The following KAZN variants were observed in gnomAD, a reference collection of about 807,000 sequenced individuals.
KAZN encodes the protein kazrin.
Under a neutral mutation model 87.4 loss-of-function variants are expected in KAZN, and 40 were observed. The observed-to-expected ratio is 0.46, with a 90% CI of 0.36 to 0.60. The LOEUF (loss-of-function observed/expected upper bound fraction) is 0.60. KAZN is among the 20% of genes least tolerant of loss of function. The pLI is 0.00. For synonymous variants in KAZN, 466 were observed against 458.3 expected (o/e 1.02, Z -0.22); for missense variants, 898 against 1,073.9 (o/e 0.84, Z 2.29).
At chr1:14,282,656 A>AT (rs1557614101) in intron 2 of KAZN, among the ~76,000 whole-genome samples, 1 of 152,186 alleles carries the variant, frequency 6.6e-6, no homozygotes, top group African/African-American at 2.4e-5. Flanking sequence ...GGAGCTCAGC[A>AT]TGGTGTACCT....
At chr1:14,428,960 T>C (rs1665895893) in intron 2 of KAZN, among the ~76,000 whole-genome samples, 1 of 151,948 alleles carries the variant, frequency 6.6e-6, no homozygotes, top group African/African-American at 2.4e-5. Flanking sequence ...ACATATATAA[T>C]GTATAGGCTT....
At chr1:14,379,464 C>A (rs567527946) in intron 2 of KAZN, among the ~76,000 whole-genome samples, 1 of 152,224 alleles carries the variant, frequency 6.6e-6, no homozygotes, top group South Asian at 2.1e-4. Context: ...CAGGCCTTGG[C>A]TCTTAGACAA....
At chr1:14,416,467 T>G (rs1450810650) in intron 2 of KAZN, among the ~76,000 whole-genome samples, 1 of 152,238 alleles carries the variant, frequency 6.6e-6, no homozygotes, top group African/African-American at 2.4e-5. Context: ...CTGGATGCAG[T>G]GGCTCATGCC....
At chr1:14,651,068 C>T (rs1168516163) in intron 1 of KAZN, among the ~76,000 whole-genome samples, 1 of 152,240 alleles carries the variant, frequency 6.6e-6, no homozygotes, top group Non-Finnish European at 1.5e-5. Flanking sequence ...ACATATTCAA[C>T]CCAAGAGCAT....
In KAZN at chr1:14,822,718, C is replaced by T. The variant is rs1420376446; in HGVS notation, c.227-137966C>T. Among the ~76,000 whole-genome samples the T allele has an allele frequency of 2.0e-5, 3 of 152,192 alleles. No individual in the cohort carries two copies. In the South Asian group the frequency reaches 6.2e-4, roughly 32 times the overall value. ...CCCCAGTGGCCTTCTCTGGAGGCTCCGTCGTGTTCCGGCATCTGGTCTATC... is the reference window on the plus strand; with the variant it reads ...CCCCAGTGGCCTTCTCTGGAGGCTCTGTCGTGTTCCGGCATCTGGTCTATC... On this transcript the variant is annotated intron_variant, in intron 1 of 14. Coordinates refer to ENST00000376030, the MANE Select transcript of KAZN (RefSeq NM_201628.3).
At chr1:14,969,686 T>C (rs1664812379) in intron 2 of KAZN, among the ~76,000 whole-genome samples, 1 of 152,230 alleles carries the variant, frequency 6.6e-6, no homozygotes, top group African/African-American at 2.4e-5. Flanking sequence ...TTGCCCAGGC[T>C]CTGTTGTTGT....
chr1:14,590,252 G>A (rs901424953), intron 2 of KAZN, among the ~76,000 whole-genome samples: 3 of 152,102 alleles, frequency 2.0e-5, no homozygotes, highest in Non-Finnish European at 4.4e-5. Flanking sequence ...TGAGCCAAAA[G>A]AACTCATTTA....
In KAZN at chr1:15,041,331, C is replaced by CTTTTTTTTTTTTTTTT. The variant is rs71000360; in HGVS notation, c.556-2643_556-2642insTTTTTTTTTTTTTTTT. 2.0e-3 allele frequency among the ~76,000 whole-genome samples: 233 copies of CTTTTTTTTTTTTTTTT among 114,130 alleles called. 1 individual carries two copies. The highest frequency in any genetic ancestry group is 3.6e-3 in the African/African-American group (101 of 28,296). The allele number at this position is 114,130 out of a possible 152,430, so 74.9% of individuals were successfully genotyped here. A position where few individuals can be genotyped will look rare whatever the true frequency, so the allele number is the denominator to read the frequency against. ...GTATTCTACTCTCCGCATTTTTTTTCTTTTTTTTTTTTTTTGTTTTTTTGA... is the reference window on the plus strand; with the variant it reads ...GTATTCTACTCTCCGCATTTTTTTTCTTTTTTTTTTTTTTTTTTTTTTTTTTTTTTTGTTTTTTTGA... On this transcript the variant is annotated intron_variant, in intron 3 of 14. Coordinates refer to ENST00000376030, the MANE Select transcript of KAZN (RefSeq NM_201628.3).
At chr1:14,886,698 G>A (rs1183735999) in intron 1 of KAZN, among the ~76,000 whole-genome samples, 1 of 152,128 alleles carries the variant, frequency 6.6e-6, no homozygotes, top group Non-Finnish European at 1.5e-5. Flanking sequence ...GGCTGAGGCG[G>A]GAGAATCGCT....
intron 2 of KAZN, among the ~76,000 whole-genome samples, chr1:14,374,374 T>TACCCAAACTTC (rs1448848289): frequency 6.6e-6 from 1 of 152,110 alleles, no homozygotes; most frequent in African/African-American, 2.4e-5. Flanking sequence ...GGGGATCAAG[T>TACCCAAACTTC]CTCAAGTACC....
At chr1:14,275,911 G>C (rs1289456783) in intron 2 of KAZN, among the ~76,000 whole-genome samples, 1 of 152,132 alleles carries the variant, frequency 6.6e-6, no homozygotes, top group African/African-American at 2.4e-5. Flanking sequence ...TCTCAGGCTT[G>C]GTTCTCTGAA....
intron 1 of KAZN, among the ~76,000 whole-genome samples, chr1:14,736,297 G>GTGTGTA (rs1643901501): frequency 1.1e-5 from 1 of 93,708 alleles, no homozygotes; most frequent in African/African-American, 3.8e-5. Flanking sequence ...GTGTGTGTGT[G>GTGTGTA]TGTATATTTT....
At chr1:14,191,375 T>C (rs866138098) in intron 2 of KAZN, among the ~76,000 whole-genome samples, 1 of 152,130 alleles carries the variant, frequency 6.6e-6, no homozygotes, top group South Asian at 2.1e-4. Flanking sequence ...AAGTGAGACA[T>C]GGGTCTAGGA....
intron 2 of KAZN, among the ~76,000 whole-genome samples, chr1:14,402,202 C>G (rs568376651): frequency 2.0e-5 from 3 of 151,218 alleles, no homozygotes; most frequent in African/African-American, 7.3e-5. Context: ...AAATACAAAA[C>G]CCACATTTTA....
chr1:14,539,644 T>C (rs1230360546), intron 2 of KAZN, among the ~76,000 whole-genome samples: 1 of 152,070 alleles, frequency 6.6e-6, no homozygotes, highest in Non-Finnish European at 1.5e-5. Flanking sequence ...GATATTTTTG[T>C]AAAACTTGGC....
At position 13,951,541 on chromosome 1, in the gene KAZN, T is replaced by C. The variant is rs1437903314; in HGVS notation, c.91+57785T>C. ...GGTTTGGAGATGACTCACGTGGTCT[T>C]ACACACTGTAGGGTGTTGTTATGTC... On this transcript the variant is annotated intron_variant, in intron 1 of 16. Transcript: ENST00000636203. Among the ~76,000 whole-genome samples, 4 of 152,188 alleles carry C rather than the reference T, an allele frequency of 2.6e-5. No homozygotes were observed. In the East Asian group the frequency reaches 7.7e-4, roughly 29 times the overall value.
intron 1 of KAZN, among the ~76,000 whole-genome samples, chr1:14,065,525 C>T (rs993382339): frequency 6.6e-6 from 1 of 151,254 alleles, no homozygotes; most frequent in Admixed American, 6.6e-5. Flanking sequence ...AAGCTACCCA[C>T]TCTTAAACTC....
chr1:13,933,460 C>T (rs1640607055), intron 1 of KAZN, among the ~76,000 whole-genome samples: 1 of 152,192 alleles, frequency 6.6e-6, no homozygotes, highest in Non-Finnish European at 1.5e-5. Flanking sequence ...CCATTGCACT[C>T]TAGCCTAGGC....
intron 1 of KAZN, among the ~76,000 whole-genome samples, chr1:14,668,542 G>A (rs1390667096): frequency 6.6e-6 from 1 of 152,064 alleles, no homozygotes; most frequent in Admixed American, 6.5e-5. Flanking sequence ...GAGCCCACCT[G>A]GGGAAAGGGC....
Sources: allele counts gnomAD v4.1 joint callset (sites outside exome capture counted in the v4.1 genomes callset), GRCh38; gene constraint gnomAD v4.1.1; transcripts MANE v1.5; gene names NCBI Gene and HGNC (gene_info 2026-07-23, HGNC 2026-07-21).